Variants in EVA1A observed in about 807,000 individuals in gnomAD.
The protein encoded by EVA1A is eva-1 homolog A, regulator of programmed cell death.
In EVA1A, 7 loss-of-function variants were observed where a neutral mutation model predicts 9.8. The ratio of observed to expected loss-of-function variants is 0.71; its 90% CI spans 0.41 to 1.34. The LOEUF (loss-of-function observed/expected upper bound fraction) is 1.34. Ranked by LOEUF, EVA1A falls within the 40% of genes most tolerant of loss-of-function variation. EVA1A has a pLI of 0.01. For synonymous variants in EVA1A, 90 were observed against 85.6 expected, an observed-to-expected ratio of 1.05 and a Z score of -0.28; for missense variants, 206 against 205.9, an observed-to-expected ratio of 1.00 and a Z score of 0.00.
chr2:75,496,927 G>A (rs1044746823), intron 3 of EVA1A, among the ~76,000 whole-genome samples: 1 of 152,134 alleles, frequency 6.6e-6, no homozygotes, highest in African/African-American at 2.4e-5. Context: ...AACAATAACA[G>A]CAAAGGGGAA....
chr2:75,568,358 T>A (rs1677065019), intron 1 of EVA1A, among the ~76,000 whole-genome samples: 1 of 149,926 alleles, frequency 6.7e-6, no homozygotes, highest in Non-Finnish European at 1.5e-5. Flanking sequence ...AATTAAAGGA[T>A]ATTGTTTAAT....
chr2:75,524,815 C>T (rs542239464), intron 1 of EVA1A, among the ~76,000 whole-genome samples: 1 of 152,112 alleles, frequency 6.6e-6, no homozygotes, highest in Non-Finnish European at 1.5e-5. Flanking sequence ...CTTCTTCCTA[C>T]AGGACATGGT....
chr2:75,504,319 G>T (rs534299459), intron 3 of EVA1A, among the ~76,000 whole-genome samples: 138 of 152,274 alleles, frequency 9.1e-4, no homozygotes, highest in African/African-American at 3.2e-3. Flanking sequence ...GCTGGGGCAG[G>T]AGAATCGTTT....
chr2:75,545,421 C>G (rs1045190527), intron 1 of EVA1A, among the ~76,000 whole-genome samples: 1 of 152,012 alleles, frequency 6.6e-6, no homozygotes, highest in African/African-American at 2.4e-5. Context: ...TTTGCTTTCC[C>G]GATGAGAACC....
chr2:75,516,644 A>T (rs1425099676), intron 3 of EVA1A, among the ~76,000 whole-genome samples: 1 of 152,226 alleles, frequency 6.6e-6, no homozygotes, highest in African/African-American at 2.4e-5. Context: ...TGTGCTGATC[A>T]GAGATCCGAA....
At chr2:75,544,385 C>T (rs2103949359) in intron 1 of EVA1A, among the ~76,000 whole-genome samples, 1 of 152,168 alleles carries the variant, frequency 6.6e-6, no homozygotes, top group Non-Finnish European at 1.5e-5. Context: ...GTAAGTATTA[C>T]CAGTAGCATT....
At chr2:75,543,951 G>A (rs1676233197) in intron 1 of EVA1A, among the ~76,000 whole-genome samples, 1 of 152,156 alleles carries the variant, frequency 6.6e-6, no homozygotes, top group South Asian at 2.1e-4. Flanking sequence ...TTCTAGAAAT[G>A]TTTGATTCAA....
chr2:75,502,837 A>C (rs907435289), intron 3 of EVA1A, among the ~76,000 whole-genome samples: 10 of 152,202 alleles, frequency 6.6e-5, no homozygotes, highest in Non-Finnish European at 1.0e-4. Flanking sequence ...AGGGTGTCAA[A>C]TGTAATTCTG....
At chr2:75,509,195 T>A (rs1282193817) in intron 3 of EVA1A, among the ~76,000 whole-genome samples, 1 of 152,142 alleles carries the variant, frequency 6.6e-6, no homozygotes, top group Non-Finnish European at 1.5e-5. Flanking sequence ...CCTATAAAAA[T>A]TTAAGTTGGT....
At chr2:75,554,231 A>C (rs1676622727) in intron 1 of EVA1A, among the ~76,000 whole-genome samples, 1 of 152,206 alleles carries the variant, frequency 6.6e-6, no homozygotes, top group Admixed American at 6.5e-5. Context: ...CTTAAATTAC[A>C]GCAGGTGTTT....
intron 1 of EVA1A, among the ~76,000 whole-genome samples, chr2:75,532,576 A>G (rs1675705674): frequency 1.3e-5 from 2 of 152,224 alleles, no homozygotes; most frequent in Non-Finnish European, 2.9e-5. Context: ...ACTTAGTTGA[A>G]CTACAGAGGA....
At chr2:75,567,597 G>T (rs566297012) in intron 1 of EVA1A, among the ~76,000 whole-genome samples, 1 of 152,234 alleles carries the variant, frequency 6.6e-6, no homozygotes, top group African/African-American at 2.4e-5. Flanking sequence ...TTATTGAAGG[G>T]GTCCCAAATT....
chr2:75,520,133 C>T (rs777675264), intron 2 of EVA1A, among the ~76,000 whole-genome samples: 21 of 152,120 alleles, frequency 1.4e-4, no homozygotes, highest in Admixed American at 5.9e-4. Flanking sequence ...AATAAGAATG[C>T]TTAGAGCTTC....
rs1674088787 is a variant in EVA1A, at chr2:75,493,214, G to GT, written c.*21dup. On this transcript the variant is annotated 3_prime_UTR_variant, in exon 4 of 4. Coordinates refer to ENST00000393913, the MANE Select transcript of EVA1A (RefSeq NM_001135032.2). The stretch of plus-strand genomic sequence containing the variant: ...TCTCCTTTCCAGGCGGCCTCCAGTG[G>GT]TTTCCGGGGTCCTGCTGCTCCCTAA... 1 of 1,589,476 alleles carries GT rather than the reference G, an allele frequency of 6.3e-7. No individual in the cohort carries two copies. Among genetic ancestry groups the GT allele is most frequent in the African/African-American group, 1.3e-5 (1 of 74,396 alleles).
chr2:75,521,933 G>A (rs1279331314), intron 2 of EVA1A, among the ~76,000 whole-genome samples: 2 of 152,160 alleles, frequency 1.3e-5, no homozygotes, highest in African/African-American at 4.8e-5. Flanking sequence ...TTGGTTTTAA[G>A]TTAATAAGAA....
intron 1 of EVA1A, among the ~76,000 whole-genome samples, chr2:75,532,453 T>TA (rs1189126852): frequency 6.6e-5 from 10 of 151,834 alleles, no homozygotes; most frequent in Admixed American, 6.6e-5. Flanking sequence ...TTCCACACAG[T>TA]AAAAAAATAC....
chr2:75,522,800 T>A (rs1187731022), intron 1 of EVA1A, among the ~76,000 whole-genome samples: 1 of 152,218 alleles, frequency 6.6e-6, no homozygotes, highest in African/African-American at 2.4e-5. Flanking sequence ...GTGTGGGATG[T>A]CCCAATCTGG....
chr2:75,500,072 C>T (rs1294529963), intron 3 of EVA1A, among the ~76,000 whole-genome samples: 2 of 152,114 alleles, frequency 1.3e-5, no homozygotes, highest in African/African-American at 4.8e-5. Flanking sequence ...TCAAACCCTT[C>T]CCCCACCCCA....
At chr2:75,550,464 A>T (rs1676482374) in intron 1 of EVA1A, among the ~76,000 whole-genome samples, 1 of 152,090 alleles carries the variant, frequency 6.6e-6, no homozygotes, top group Non-Finnish European at 1.5e-5. Flanking sequence ...ACCTCCAAGT[A>T]TCTACACAGC....
Sources: allele counts gnomAD v4.1 joint callset (sites outside exome capture counted in the v4.1 genomes callset), GRCh38; gene constraint gnomAD v4.1.1; transcripts MANE v1.5; gene names NCBI Gene and HGNC (gene_info 2026-07-23, HGNC 2026-07-21).